RIC1: variants seen among roughly 807,000 people sequenced by gnomAD.
RIC1 encodes RIC1 partner of RAB6A GEF complex.
RIC1 carries 88 observed loss-of-function variants against 169.0 expected under a neutral mutation model. The observed-to-expected ratio is 0.52, with a 90% CI of 0.44 to 0.62. RIC1 has a LOEUF of 0.62. RIC1 is among the 20% of genes least tolerant of loss of function. The pLI, the probability that RIC1 is intolerant of heterozygous loss-of-function variation, is 0.00. For synonymous variants in RIC1, 790 were observed against 601.5 expected (o/e 1.31, Z -4.59); for missense variants, 1,877 against 1,725.5 (o/e 1.09, Z -1.56).
intron 3 of RIC1, among the ~76,000 whole-genome samples, chr9:5,711,745 G>A (rs1015241144): frequency 6.6e-6 from 1 of 152,032 alleles, no homozygotes; most frequent in African/African-American, 2.4e-5. Context: ...CCCACAACAG[G>A]ACCTGATGTG....
chr9:5,758,906 A>G (rs1826171520), intron 17 of RIC1, among the ~76,000 whole-genome samples: 1 of 151,800 alleles, frequency 6.6e-6, no homozygotes, highest in Admixed American at 6.6e-5. Context: ...CACCACGCCC[A>G]GCTAATTTTT....
chr9:5,764,020 C>G (rs545549567), intron 19 of RIC1, 152 bp downstream of exon 19: 3 of 870,506 alleles, frequency 3.4e-6, no homozygotes, highest in South Asian at 3.8e-5. Flanking sequence ...CAGACAGATT[C>G]CTTTGAATAT....
At chr9:5,739,304 T>C (rs1037457124) in intron 8 of RIC1, among the ~76,000 whole-genome samples, 2 of 152,098 alleles carry the variant, frequency 1.3e-5, no homozygotes, top group Non-Finnish European at 2.9e-5. Flanking sequence ...AATCAACTAT[T>C]AGAACCTTTT....
intron 3 of RIC1, among the ~76,000 whole-genome samples, chr9:5,708,058 T>C (rs900865808): frequency 6.6e-6 from 1 of 152,110 alleles, no homozygotes; most frequent in African/African-American, 2.4e-5. Context: ...TTTCCTTTTT[T>C]GTACATGTTT....
intron 6 of RIC1, among the ~76,000 whole-genome samples, chr9:5,729,763 T>C (rs989520610): frequency 5.9e-5 from 9 of 152,152 alleles, no homozygotes; most frequent in African/African-American, 1.9e-4. Context: ...ATTCAGATAG[T>C]AAGGTACTAA....
At chr9:5,661,594 C>T (rs554027302) in intron 2 of RIC1, among the ~76,000 whole-genome samples, 1 of 152,110 alleles carries the variant, frequency 6.6e-6, no homozygotes, top group Non-Finnish European at 1.5e-5. Flanking sequence ...CATTTGTGAC[C>T]AACTGTGAAT....
chr9:5,766,267 C>G (rs1826738668), intron 21 of RIC1, among the ~76,000 whole-genome samples: 1 of 152,194 alleles, frequency 6.6e-6, no homozygotes, highest in Non-Finnish European at 1.5e-5. Context: ...GTCTCGAACT[C>G]CTGGCCTCAA....
intron 1 of RIC1, among the ~76,000 whole-genome samples, chr9:5,634,904 T>A (rs188684448): frequency 6.6e-6 from 1 of 152,284 alleles, no homozygotes; most frequent in Admixed American, 6.5e-5. Flanking sequence ...ACATAGTAGA[T>A]CTGTGTATTT....
At chr9:5,766,712 T>C (rs559127190) in intron 21 of RIC1, among the ~76,000 whole-genome samples, 23 of 152,346 alleles carry the variant, frequency 1.5e-4, no homozygotes, top group African/African-American at 4.6e-4. Flanking sequence ...TTCCATCATA[T>C]ATACGTATAT....
chr9:5,675,040 G>A (rs1171756450), intron 2 of RIC1, among the ~76,000 whole-genome samples: 5 of 152,290 alleles, frequency 3.3e-5, no homozygotes, highest in East Asian at 1.9e-4. Context: ...AGAGGGGTGC[G>A]CCCTTACAGA....
chr9:5,772,785 G>T (rs373028666), intron 24 of RIC1, 44 bp downstream of exon 24: 2 of 1,574,584 alleles, frequency 1.3e-6, no homozygotes, highest in Non-Finnish European at 1.7e-6. Flanking sequence ...CCTACTCAGA[G>T]TATTTGGGCA....
At chr9:5,722,346 A>AGTGTGTGT (rs1343192304) in intron 6 of RIC1, among the ~76,000 whole-genome samples, 113 of 59,216 alleles carry the variant, frequency 1.9e-3, no homozygotes, top group African/African-American at 8.9e-3. Context: ...TAAGAGAGAG[A>AGTGTGTGT]GAGTGTGTGT....
At chr9:5,697,853 A>T (rs150499602) in intron 3 of RIC1, among the ~76,000 whole-genome samples, 76 of 152,292 alleles carry the variant, frequency 5.0e-4, no homozygotes, top group Non-Finnish European at 9.9e-4. Flanking sequence ...ATGCTAATGA[A>T]TAATTGTTTA....
chr9:5,678,887 G>C (rs1023367377), intron 2 of RIC1, among the ~76,000 whole-genome samples: 7 of 152,162 alleles, frequency 4.6e-5, no homozygotes, highest in African/African-American at 1.7e-4. Flanking sequence ...TGTTGCCATT[G>C]CTTTTGGTGT....
chr9:5,765,349 G>T (rs181161019), intron 19 of RIC1, 65 bp from the exon 20 acceptor site: 1 of 1,514,930 alleles, frequency 6.6e-7, no homozygotes, highest in East Asian at 2.3e-5. Flanking sequence ...ACGAGATAAA[G>T]AATTGCTCAT....
At position 5,763,917 on chromosome 9, in the gene RIC1, T is replaced by C. The variant is rs772559265; in HGVS notation, c.2841+49T>C. On this transcript the variant is annotated intron_variant, in intron 19 of 25. Transcript: ENST00000414202. This position sits in a 1 kb window ranked among gnomAD's most constrained non-coding sequence, Gnocchi z 5.2. ...GGGCAAGAATTAATGAGCTTAAACT[T>C]AGAAAAATAGAAATGTCCTGTTTTG... 1 of 1,519,214 alleles carries C rather than the reference T, an allele frequency of 6.6e-7. No homozygotes were observed. The allele number at this position is 1,519,214 out of a possible 1,614,324, so 94.1% of individuals were successfully genotyped here.
At chr9:5,685,104 C>G (rs553511453) in intron 2 of RIC1, among the ~76,000 whole-genome samples, 9 of 151,318 alleles carry the variant, frequency 5.9e-5, no homozygotes, top group Non-Finnish European at 1.3e-4. Context: ...GAACTACAAA[C>G]CACTGCTCAA....
At chr9:5,693,887 C>T (rs139776825) in intron 3 of RIC1, among the ~76,000 whole-genome samples, 1 of 147,176 alleles carries the variant, frequency 6.8e-6, no homozygotes, top group East Asian at 2.0e-4. Flanking sequence ...TAGAGACTAG[C>T]ATTTTTGAGG....
At chr9:5,671,365 C>G (rs1820092735) in intron 2 of RIC1, among the ~76,000 whole-genome samples, 1 of 151,738 alleles carries the variant, frequency 6.6e-6, no homozygotes, top group Admixed American at 6.6e-5. Context: ...ACCTCCGCCT[C>G]CCAGGTTCAA....
Sources: allele counts gnomAD v4.1 joint callset (sites outside exome capture counted in the v4.1 genomes callset), GRCh38; gene constraint gnomAD v4.1.1; non-coding constraint Gnocchi (gnomAD v3.1); transcripts MANE v1.5; gene names NCBI Gene and HGNC (gene_info 2026-07-23, HGNC 2026-07-21).